SLC8A3: variants seen among roughly 807,000 people sequenced by gnomAD.
SLC8A3 encodes the protein solute carrier family 8 member A3.
In SLC8A3, 37 loss-of-function variants were observed where a neutral mutation model predicts 65.4. The ratio of observed to expected loss-of-function variants is 0.57; its 90% CI spans 0.44 to 0.74. The LOEUF is 0.74. Ranked by LOEUF, SLC8A3 falls within the 30% of genes least tolerant of loss-of-function variation. The pLI is 0.00. For synonymous variants in SLC8A3, 461 were observed against 444.5 expected (o/e 1.04, Z -0.47); for missense variants, 1,112 against 1,172.1 (o/e 0.95, Z 0.75).
intron 1 of SLC8A3, among the ~76,000 whole-genome samples, chr14:70,169,719 G>A (rs897242759): frequency 6.9e-6 from 1 of 145,244 alleles, no homozygotes; most frequent in African/African-American, 2.6e-5. Flanking sequence ...TTCTCCCTCT[G>A]CTACAACTGT....
rs202243269 is a variant in SLC8A3, at chr14:70,167,873, T to C, written c.550A>G (p.Ile184Val). ...CCGTCTGGGATCACGTAGACACAGA[T>C]GCCAATGATGATGAACATGTTGAAG... ...AAFNMFIIIG[I>V]CVYVIPDGET... Residue 184 changes from isoleucine to valine, a missense_variant, in exon 2 of 7, where the codon ATC (isoleucine) becomes GTC (valine). Ile to Val is a conservative substitution (Grantham distance 29). Transcript: ENST00000356921. 40 of 1,614,152 alleles carry C rather than the reference T, an allele frequency of 2.5e-5. No homozygotes were observed. The highest frequency in any genetic ancestry group is 2.5e-4 in the East Asian group (11 of 44,880).
At position 70,046,080 on chromosome 14, in the gene SLC8A3, C is replaced by A; in HGVS notation, c.2633G>T (p.Arg878Leu). The change falls in exon 7 of 7, where the codon CGG (arginine) becomes CTG (leucine). Residue 878 changes from arginine to leucine, a missense_variant. Physicochemically the swap from Arg to Leu is moderately radical, Grantham distance 102 (BLOSUM62 -2). Coordinates refer to ENST00000356921, the MANE Select transcript of SLC8A3 (RefSeq NM_182932.3). This position sits in a 1 kb window ranked among gnomAD's most constrained non-coding sequence, Gnocchi z 4.2. Reference protein sequence around the residue: ...VCISVLLYRRRPHLGGELGGP... With the variant: ...VCISVLLYRRLPHLGGELGGP... ...ACCAAGCTCCCCTCCCAGGTGCGGC[C>A]GCCTTCGGTACAAGAGCACGCTGAT... 1 of 1,614,148 alleles carries A rather than the reference C, an allele frequency of 6.2e-7. No homozygotes were observed. The highest frequency in any genetic ancestry group is 1.6e-4 in the Middle Eastern group (1 of 6,062).
Position 70,167,412 on chromosome 14 carries a change from C to T in SLC8A3, c.1011G>A (p.Glu337=). 1 of 1,614,162 alleles carries T rather than the reference C, an allele frequency of 6.2e-7. No individual in the cohort carries two copies. The highest frequency in any genetic ancestry group is 8.5e-7 in the Non-Finnish European group (1 of 1,180,030). The stretch of plus-strand genomic sequence containing the variant: ...GGGAAAGAGCATAGTAATTGGCCAT[C>T]TCCACCAGCTGATCTAAGTCCTTCT... ...HPEKDLDQLV[E]MANYYALSHQ... The change falls in exon 2 of 7, where the codon GAG becomes GAA. Residue 337 remains glutamate, a synonymous_variant. Coordinates refer to ENST00000356921, the MANE Select transcript of SLC8A3 (RefSeq NM_182932.3).
At chr14:70,099,428 T>C (rs1421908700) in intron 2 of SLC8A3, among the ~76,000 whole-genome samples, 1 of 152,238 alleles carries the variant, frequency 6.6e-6, no homozygotes, top group Non-Finnish European at 1.5e-5. Context: ...CAGATAGATT[T>C]AGTTGCAAAT....
At chr14:70,126,570 T>TCTCTCTCACACACA (rs1385909771) in intron 2 of SLC8A3, among the ~76,000 whole-genome samples, 1 of 116,994 alleles carries the variant, frequency 8.5e-6, no homozygotes, top group African/African-American at 3.2e-5. Flanking sequence ...TCTCTCTCTC[T>TCTCTCTCACACACA]CACACACACA....
At chr14:70,146,401 A>C (rs1895929818) in intron 2 of SLC8A3, among the ~76,000 whole-genome samples, 1 of 152,172 alleles carries the variant, frequency 6.6e-6, no homozygotes, top group Non-Finnish European at 1.5e-5. Context: ...TCGTATCTGC[A>C]GCAAACTCAT....
intron 2 of SLC8A3, among the ~76,000 whole-genome samples, chr14:70,165,079 A>G (rs1409253542): frequency 1.3e-5 from 2 of 152,214 alleles, no homozygotes; most frequent in African/African-American, 2.4e-5. Context: ...CTGAGTGCTT[A>G]TGTCTATGGT....
chr14:70,099,562 C>T (rs947538034), intron 2 of SLC8A3, among the ~76,000 whole-genome samples: 1 of 152,138 alleles, frequency 6.6e-6, no homozygotes, highest in Non-Finnish European at 1.5e-5. Flanking sequence ...AAGCTAACAG[C>T]TTAGCACAGT....
intron 2 of SLC8A3, among the ~76,000 whole-genome samples, chr14:70,079,330 C>CAAAAA (rs11464342): frequency 9.9e-5 from 8 of 80,930 alleles, no homozygotes; most frequent in Non-Finnish European, 1.4e-4. Context: ...CTAAAAAATA[C>CAAAAA]AAAAAAAAAA....
chr14:70,062,126 G>A (rs1341338610), intron 2 of SLC8A3, among the ~76,000 whole-genome samples: 64 of 1,556 alleles, frequency 0.041, 1 homozygote, highest in African/African-American at 0.1. Context: ...GCGGGGGGGA[G>A]ATTGGGGGAG....
intron 2 of SLC8A3, among the ~76,000 whole-genome samples, chr14:70,136,890 A>G (rs59485932): frequency 0.038 from 5,800 of 152,304 alleles, 358 homozygotes; most frequent in African/African-American, 0.13. Flanking sequence ...ACGCATGAAA[A>G]TATTTTGAAT....
At chr14:70,154,963 A>G (rs1422477875) in intron 2 of SLC8A3, among the ~76,000 whole-genome samples, 1 of 139,180 alleles carries the variant, frequency 7.2e-6, no homozygotes, top group Non-Finnish European at 1.5e-5. Flanking sequence ...TCTGTCACCC[A>G]GGCTGGAGTG....
chr14:70,124,289 G>GGT (rs1209926111), intron 2 of SLC8A3, among the ~76,000 whole-genome samples: 3 of 152,174 alleles, frequency 2.0e-5, no homozygotes, highest in Non-Finnish European at 4.4e-5. Flanking sequence ...TAAATCCAGT[G>GGT]ACCACCCCTT....
At chr14:70,152,331 C>G (rs888855085) in intron 2 of SLC8A3, among the ~76,000 whole-genome samples, 9 of 152,186 alleles carry the variant, frequency 5.9e-5, no homozygotes, top group Non-Finnish European at 1.2e-4. Context: ...TCATGAGCAT[C>G]TTACCAGAGA....
Position 70,044,869 on chromosome 14 carries a change from AC to A in SLC8A3, c.*1077del, listed in dbSNP as rs1402555191. On this transcript the variant is annotated 3_prime_UTR_variant, in exon 7 of 7. Transcript: ENST00000356921. ...AAGCTGACATTTCTCAGGCACATTG[AC>A]ATTTAAAATACAAACTTTTCTCTTA... is the stretch of plus-strand genomic sequence containing the variant. The A allele has an allele frequency of 6.6e-6, 1 of 152,230 alleles. No homozygotes were observed. Among genetic ancestry groups the A allele is most frequent in the African/African-American group, 2.4e-5 (1 of 41,462 alleles). The allele number at this position is 152,230 out of a possible 1,614,324, so 9.4% of individuals were successfully genotyped here. A position where few individuals can be genotyped will look rare whatever the true frequency, so the allele number is the denominator to read the frequency against.
At chr14:70,159,818 G>A (rs1236199140) in intron 2 of SLC8A3, among the ~76,000 whole-genome samples, 2 of 152,182 alleles carry the variant, frequency 1.3e-5, no homozygotes, top group Non-Finnish European at 2.9e-5. Flanking sequence ...TTGAGGATGA[G>A]ACCCATTCAT....
intron 2 of SLC8A3, among the ~76,000 whole-genome samples, chr14:70,134,816 T>C (rs191715135): frequency 4.3e-4 from 66 of 152,336 alleles, no homozygotes; most frequent in African/African-American, 1.5e-3. Flanking sequence ...TTCCCTACCA[T>C]GGTGTCATGT....
At chr14:70,048,144 GA>G (rs1887011359) in intron 6 of SLC8A3, 1 of 159,866 alleles carries the variant, frequency 6.3e-6, no homozygotes, top group Admixed American at 5.9e-5. Context: ...CTAAGAAAAA[GA>G]AAGAGTATGT....
intron 2 of SLC8A3, among the ~76,000 whole-genome samples, chr14:70,145,351 C>T (rs542376738): frequency 2.0e-5 from 3 of 152,148 alleles, no homozygotes; most frequent in Non-Finnish European, 4.4e-5. Flanking sequence ...TTTCATATAC[C>T]TCCATTATTA....
Sources: allele counts gnomAD v4.1 joint callset (sites outside exome capture counted in the v4.1 genomes callset), GRCh38; gene constraint gnomAD v4.1.1; non-coding constraint Gnocchi (gnomAD v3.1); transcripts MANE v1.5; gene names NCBI Gene and HGNC (gene_info 2026-07-23, HGNC 2026-07-21).